The following KCNQ2 variants were observed in gnomAD, a reference collection of about 807,000 sequenced individuals.
KCNQ2 encodes the protein potassium voltage-gated channel subfamily Q member 2, also known as potassium voltage-gated channel subfamily KQT member 2.
A neutral mutation model predicts 84.8 loss-of-function variants in KCNQ2; 14 were observed. The ratio of observed to expected loss-of-function variants is 0.17; its 90% CI spans 0.11 to 0.26. The LOEUF (loss-of-function observed/expected upper bound fraction) is 0.26. Ranked by LOEUF, KCNQ2 falls within the 10% of genes least tolerant of loss-of-function variation. The pLI, the probability that KCNQ2 is intolerant of heterozygous loss-of-function variation, is 1.00. For missense variants in KCNQ2, 788 were observed against 1,254.0 expected (o/e 0.63, Z 5.61); for synonymous variants, 599 against 554.1 (o/e 1.08, Z -1.14).
chr20:63,424,118 A>G (rs1327976265), intron 11 of KCNQ2, 59 bp downstream of exon 11: 11 of 1,538,462 alleles, frequency 7.2e-6, no homozygotes, highest in Non-Finnish European at 8.8e-6. Flanking sequence ...CACGTGTGGG[A>G]GAGAGACCAG....
At chr20:63,444,597 G>C in intron 4 of KCNQ2, 62 bp downstream of exon 4, 1 of 1,402,518 alleles carries the variant, frequency 7.1e-7, no homozygotes, top group Non-Finnish European at 9.4e-7. Context: ...GTGGGGCCCG[G>C]TCTGGGCCAG....
chr20:63,454,385 G>A (rs55949115), intron 1 of KCNQ2, among the ~76,000 whole-genome samples: 21,044 of 152,260 alleles, frequency 0.14, 1,726 homozygotes, highest in African/African-American at 0.22. Flanking sequence ...GGGGGCGGCC[G>A]GTGCAGGGGA....
Position 63,446,878 on chromosome 20 carries a change from G to GGGCAGCAGCAT in KCNQ2, c.297-52_297-42dup, listed in dbSNP as rs1327300571. 1 of 1,553,944 alleles carries GGGCAGCAGCAT rather than the reference G, an allele frequency of 6.4e-7. No homozygotes were observed. The highest frequency in any genetic ancestry group is 8.9e-7 in the Non-Finnish European group (1 of 1,126,070). On this transcript the variant is annotated intron_variant, in intron 1 of 16. Coordinates refer to ENST00000359125, the MANE Select transcript of KCNQ2 (RefSeq NM_172107.4). This position sits in a 1 kb window ranked among gnomAD's most constrained non-coding sequence, Gnocchi z 5.5. ...GCGCGCTCTCAGACAGGCCGCAGCAGGGCAGCAGCATGGCTGTGTCTCCAG... is the reference window on the plus strand; with the variant it reads ...GCGCGCTCTCAGACAGGCCGCAGCAGGGCAGCAGCATGGCAGCAGCATGGCTGTGTCTCCAG...
chr20:63,456,779 T>C (rs2081811099), intron 1 of KCNQ2, among the ~76,000 whole-genome samples: 1 of 152,146 alleles, frequency 6.6e-6, no homozygotes, highest in Non-Finnish European at 1.5e-5. Context: ...TGCACCCCTC[T>C]CCCACTGCAG....
intron 1 of KCNQ2, among the ~76,000 whole-genome samples, chr20:63,466,868 G>A (rs920543727): frequency 6.6e-5 from 10 of 152,192 alleles, no homozygotes; most frequent in African/African-American, 1.9e-4. Context: ...GCGGGGCTGC[G>A]TCCACAGACC....
intron 1 of KCNQ2, among the ~76,000 whole-genome samples, chr20:63,461,201 C>T (rs1016012880): frequency 6.6e-6 from 1 of 152,220 alleles, no homozygotes; most frequent in Non-Finnish European, 1.5e-5. Flanking sequence ...CAGACCCCCT[C>T]ACCCTGACAG....
intron 1 of KCNQ2, among the ~76,000 whole-genome samples, chr20:63,464,707 C>G (rs2082039471): frequency 6.6e-6 from 1 of 152,220 alleles, no homozygotes; most frequent in Non-Finnish European, 1.5e-5. Context: ...GAAAAGGCTC[C>G]CAGAATCCAG....
At chr20:63,429,831 A>G (rs1488645785) in intron 9 of KCNQ2, among the ~76,000 whole-genome samples, 1 of 152,046 alleles carries the variant, frequency 6.6e-6, no homozygotes, top group African/African-American at 2.4e-5. Flanking sequence ...GGCAGGTGTG[A>G]GCTGGTAAAG....
chr20:63,415,219 G>A (rs548900203), intron 12 of KCNQ2, 93 bp from the exon 13 acceptor site: 19 of 1,164,842 alleles, frequency 1.6e-5, no homozygotes, highest in East Asian at 1.5e-4. Context: ...GGCCGACGCC[G>A]CCCATGCGCC....
chr20:63,408,495 T>C lies in KCNQ2; in HGVS notation c.1805A>G (p.Lys602Arg). 6.2e-7 allele frequency: 1 copy of C among 1,609,258 alleles called. No homozygotes were observed. The highest frequency in any genetic ancestry group is 8.5e-7 in the Non-Finnish European group (1 of 1,178,662). Reference protein sequence around the residue: ...IVGRGPAITDKDRTKGPAEAE... With the variant: ...IVGRGPAITDRDRTKGPAEAE... ...CTCGGCCGGGCCCTTGGTGCGGTCCTTGTCCGTGATCGCTGGGCCCCGCCC... is the reference window on the plus strand; with the variant it reads ...CTCGGCCGGGCCCTTGGTGCGGTCCCTGTCCGTGATCGCTGGGCCCCGCCC... Residue 602 changes from lysine to arginine, a missense_variant, in exon 16 of 17, where the codon AAG becomes AGG. Physicochemically the swap from Lys to Arg is conservative, Grantham distance 26. Transcript: ENST00000359125. This position sits in a 1 kb window ranked among gnomAD's most constrained non-coding sequence, Gnocchi z 5.0.
chr20:63,419,838 G>A (rs2080411803), intron 11 of KCNQ2, among the ~76,000 whole-genome samples, 166 bp from the exon 12 acceptor site: 1 of 152,090 alleles, frequency 6.6e-6, no homozygotes, highest in Non-Finnish European at 1.5e-5. Context: ...CGTCTCCACC[G>A]TCCGGAGAAG....
chr20:63,436,919 G>A (rs1021033513), intron 7 of KCNQ2, among the ~76,000 whole-genome samples: 1 of 151,950 alleles, frequency 6.6e-6, no homozygotes, highest in African/African-American at 2.4e-5. Flanking sequence ...TGGGATTACA[G>A]GCGTGTGCCA....
At chr20:63,466,901 G>T (rs115041363) in intron 1 of KCNQ2, among the ~76,000 whole-genome samples, 2 of 152,354 alleles carry the variant, frequency 1.3e-5, no homozygotes, top group Admixed American at 1.3e-4. Flanking sequence ...GCAGTTTCCC[G>T]TCTCAGAGCT....
At chr20:63,461,403 T>C (rs1269627942) in intron 1 of KCNQ2, among the ~76,000 whole-genome samples, 1 of 152,110 alleles carries the variant, frequency 6.6e-6, no homozygotes, top group Non-Finnish European at 1.5e-5. Context: ...CACCGATCAT[T>C]CCTCGGGCAC....
intron 8 of KCNQ2, among the ~76,000 whole-genome samples, chr20:63,431,821 A>G (rs1259903841): frequency 2.0e-5 from 3 of 152,112 alleles, no homozygotes. Flanking sequence ...CCCAGCTTAG[A>G]ATTCCCAGCC....
In KCNQ2 at chr20:63,438,620, C is replaced by T. The variant is rs1000562136; in HGVS notation, c.1023+5G>A. On this transcript the variant is annotated splice_donor_5th_base_variant and intron_variant, in intron 7 of 16. Transcript: ENST00000359125. This position sits in a 1 kb window ranked among gnomAD's most constrained non-coding sequence, Gnocchi z 5.1. ...TGCTGGTCCCCGGGGGACACCTGGA[C>T]TCACCTGGATCAGGCCTGCTGCCGG... 1.2e-6 allele frequency: 2 copies of T among 1,612,996 alleles called. No individual in the cohort carries two copies. Among genetic ancestry groups the T allele is most frequent in the East Asian group, 4.5e-5 (2 of 44,886 alleles).
chr20:63,470,996 G>A (rs893635609), intron 1 of KCNQ2: 35 of 152,254 alleles, frequency 2.3e-4, no homozygotes, highest in African/African-American at 8.2e-4. Flanking sequence ...TTCCCTCTGG[G>A]ATCTTCTCCC....
chr20:63,467,807 G>C (rs540701285), intron 1 of KCNQ2, among the ~76,000 whole-genome samples: 176 of 152,318 alleles, frequency 1.2e-3, no homozygotes, highest in Middle Eastern at 6.8e-3. Flanking sequence ...ATTCCCACGT[G>C]GTCAGCATCC....
intron 4 of KCNQ2, among the ~76,000 whole-genome samples, chr20:63,443,928 G>A (rs2081339856): frequency 6.6e-6 from 1 of 152,166 alleles, no homozygotes. Context: ...TGGGACTGTT[G>A]AGACCCTCCC....
Sources: allele counts gnomAD v4.1 joint callset (sites outside exome capture counted in the v4.1 genomes callset), GRCh38; gene constraint gnomAD v4.1.1; non-coding constraint Gnocchi (gnomAD v3.1); transcripts MANE v1.5; gene names NCBI Gene and HGNC (gene_info 2026-07-23, HGNC 2026-07-21).